Variants in ATR observed in about 807,000 individuals in gnomAD.
The protein encoded by ATR is ATR checkpoint kinase, also known as serine/threonine-protein kinase ATR.
ATR carries 142 observed loss-of-function variants against 305.3 expected under a neutral mutation model. The ratio of observed to expected loss-of-function variants is 0.47; its 90% CI spans 0.41 to 0.53. The LOEUF (loss-of-function observed/expected upper bound fraction) is 0.53, where lower values mean the gene tolerates loss of function less well. Among genes scored for constraint, ATR ranks in the 20% least tolerant of loss-of-function variants. ATR has a pLI of 0.00. For missense variants in ATR, 2,135 were observed against 3,133.1 expected (o/e 0.68, Z 7.60); for synonymous variants, 1,050 against 1,068.1 (o/e 0.98, Z 0.33).
At chr3:142,475,855 T>G (rs1255164153) in intron 36 of ATR, among the ~76,000 whole-genome samples, 1 of 152,252 alleles carries the variant, frequency 6.6e-6, no homozygotes, top group African/African-American at 2.4e-5. Flanking sequence ...CCAGTGATGA[T>G]GAGCATTTTT....
Position 142,459,146 on chromosome 3 carries a change from T to C in ATR, c.7350-35A>G, listed in dbSNP as rs777688157. On this transcript the variant is annotated intron_variant, in intron 43 of 46. Coordinates refer to ENST00000350721, the MANE Select transcript of ATR (RefSeq NM_001184.4). ...ACACAATGCCTATGAAATATCCATATACATATGAGGCCAATATAAATCTAA... is the reference window on the plus strand; with the variant it reads ...ACACAATGCCTATGAAATATCCATACACATATGAGGCCAATATAAATCTAA... 122 of 1,613,450 alleles carry C rather than the reference T, an allele frequency of 7.6e-5. 1 individual carries two copies. The South Asian group carries it at 1.0e-3, about 14-fold the overall frequency.
rs750073869 is a variant in ATR at position 142,458,949 on chromosome 3, A to T, written c.7503+9T>A. 6.2e-7 allele frequency: 1 copy of T among 1,613,100 alleles called. No individual in the cohort carries two copies. The highest frequency in any genetic ancestry group is 8.5e-7 in the Non-Finnish European group (1 of 1,179,096). On this transcript the variant is annotated intron_variant, in intron 44 of 46. Transcript: ENST00000350721. ...AACACAATTAGTAAGAGTAACTCAT[A>T]TCACATACCTTATTGAAAAGACAAT... is the stretch of plus-strand genomic sequence containing the variant.
At position 142,561,479 on chromosome 3, in the gene ATR, T is replaced by G. The variant is rs114801305; in HGVS notation, c.1171-58A>C. ...TCCTTAGAAAATATATTTATATTAT[T>G]CATAGGCAGCAAGAATGTATTAGAT... is the stretch of plus-strand genomic sequence containing the variant. On this transcript the variant is annotated intron_variant, in intron 4 of 46. Coordinates refer to ENST00000350721, the MANE Select transcript of ATR (RefSeq NM_001184.4). The G allele has an allele frequency of 0.046, 69,302 of 1,502,916 alleles. 2,088 individuals are homozygous for G. Among genetic ancestry groups the G allele is most frequent in the Non-Finnish European group, 0.051 (56,742 of 1,106,274 alleles). The allele number at this position is 1,502,916 out of a possible 1,614,324, so 93.1% of individuals were successfully genotyped here.
intron 10 of ATR, among the ~76,000 whole-genome samples, chr3:142,555,560 T>C (rs942393696): frequency 6.6e-6 from 1 of 152,200 alleles, no homozygotes; most frequent in Non-Finnish European, 1.5e-5. Context: ...AGGGGGCACA[T>C]TAAGACGATC....
At chr3:142,464,394 T>A (rs1365121756) in intron 41 of ATR, among the ~76,000 whole-genome samples, 1 of 152,218 alleles carries the variant, frequency 6.6e-6, no homozygotes, top group Non-Finnish European at 1.5e-5. Flanking sequence ...CCCAAAGTGT[T>A]AGGCTTACAG....
At chr3:142,485,350 T>C (rs183696186) in intron 35 of ATR, 68 bp from the exon 36 acceptor site, 6 of 1,557,972 alleles carry the variant, frequency 3.9e-6, no homozygotes, top group Admixed American at 3.6e-5. Flanking sequence ...AAAATATGAA[T>C]AGATGATTAG....
intron 46 of ATR, chr3:142,451,109 C>T: frequency 7.9e-7 from 1 of 1,269,590 alleles, no homozygotes; most frequent in Non-Finnish European, 1.0e-6. Flanking sequence ...GAAACAGCCC[C>T]TGCTGCTCAG....
intron 36 of ATR, among the ~76,000 whole-genome samples, chr3:142,473,614 C>T (rs565283995): frequency 4.0e-5 from 6 of 151,398 alleles, no homozygotes; most frequent in South Asian, 2.1e-4. Context: ...GGCACAATCT[C>T]GGCTCACTGT....
intron 14 of ATR, 57 bp from the exon 15 acceptor site, chr3:142,549,730 T>G (rs2034406903): frequency 6.6e-7 from 1 of 1,517,516 alleles, no homozygotes; most frequent in Non-Finnish European, 9.1e-7. Flanking sequence ...AAAAAAATAT[T>G]CACATAAGCT....
chr3:142,502,616 A>G (rs2032030706), intron 30 of ATR, among the ~76,000 whole-genome samples: 2 of 152,126 alleles, frequency 1.3e-5, no homozygotes, highest in South Asian at 4.1e-4. Flanking sequence ...AGAATCTAAA[A>G]TAAAAGTTGA....
intron 36 of ATR, among the ~76,000 whole-genome samples, chr3:142,483,235 A>G (rs973083752): frequency 2.6e-5 from 4 of 152,046 alleles, no homozygotes; most frequent in African/African-American, 9.7e-5. Flanking sequence ...ATAATAGGCA[A>G]TTTTAACAGA....
chr3:142,522,043 A>AT (rs1257178436), intron 23 of ATR, among the ~76,000 whole-genome samples: 1 of 152,166 alleles, frequency 6.6e-6, no homozygotes, highest in South Asian at 2.1e-4. Context: ...TCGTTGTCTG[A>AT]TTTTTTTAAG....
chr3:142,475,170 C>T (rs1037347638), intron 36 of ATR, among the ~76,000 whole-genome samples: 1 of 152,116 alleles, frequency 6.6e-6, no homozygotes, highest in Non-Finnish European at 1.5e-5. Flanking sequence ...GATATGTATA[C>T]ATGTGCCATG....
At chr3:142,493,013 C>T in intron 35 of ATR, 119 bp downstream of exon 35, 1 of 956,566 alleles carries the variant, frequency 1.0e-6, no homozygotes, top group Non-Finnish European at 1.5e-6. Flanking sequence ...TACTTATATA[C>T]TCACTGAAAA....
rs2108266121 is a variant in ATR, at chr3:142,462,041, G to C, written c.7091C>G (p.Thr2364Arg). Reference sequence around the variant, plus strand: ...ATCATTTAGTGGAATAACTGCATATGTTCGAATATGAAGTTCTCTTCTACG... The same window carrying C: ...ATCATTTAGTGGAATAACTGCATATCTTCGAATATGAAGTTCTCTTCTACG... ...ESRRRELHIR[T>R]YAVIPLNDEC... The change falls in exon 42 of 47, where the codon ACA (threonine) becomes AGA (arginine). Residue 2364 changes from threonine to arginine, a missense_variant. This residue lies in a region of ATR where 462 missense variants were observed against 887.6 expected (regional missense o/e 0.52). Coordinates refer to ENST00000350721, the MANE Select transcript of ATR (RefSeq NM_001184.4). The C allele has an allele frequency of 6.2e-7, 1 of 1,612,694 alleles. No homozygotes were observed. Among genetic ancestry groups the C allele is most frequent in the East Asian group, 2.2e-5 (1 of 44,752 alleles).
chr3:142,556,904 G>C (rs1226696704), intron 8 of ATR, among the ~76,000 whole-genome samples: 5 of 152,122 alleles, frequency 3.3e-5, no homozygotes, highest in Admixed American at 6.5e-5. Flanking sequence ...AAATTTTAAA[G>C]TCAGCTAAGT....
intron 30 of ATR, 146 bp from the exon 31 acceptor site, chr3:142,499,864 C>T (rs1351239137): frequency 1.5e-6 from 1 of 689,072 alleles, no homozygotes; most frequent in East Asian, 2.9e-5. Flanking sequence ...ATAATTATCT[C>T]TATCCAGAAA....
intron 2 of ATR, among the ~76,000 whole-genome samples, chr3:142,566,481 TGG>T (rs753713567): frequency 3.3e-5 from 5 of 151,922 alleles, no homozygotes; most frequent in Non-Finnish European, 7.4e-5. Context: ...TAAAATTAGC[TGG>T]GAGTGGTAGT....
intron 26 of ATR, among the ~76,000 whole-genome samples, chr3:142,512,820 C>A (rs559564792): frequency 1.1e-4 from 16 of 151,964 alleles, no homozygotes; most frequent in African/African-American, 3.1e-4. Flanking sequence ...ATCACTGCAC[C>A]CCAACCTGGG....
Sources: allele counts gnomAD v4.1 joint callset (sites outside exome capture counted in the v4.1 genomes callset), GRCh38; gene constraint gnomAD v4.1.1; regional missense constraint gnomAD v4.1.1; transcripts MANE v1.5; gene names NCBI Gene and HGNC (gene_info 2026-07-23, HGNC 2026-07-21).